Variants in ARHGEF3 observed in about 807,000 individuals in gnomAD.
ARHGEF3 encodes the protein Rho guanine nucleotide exchange factor 3, also known as 59.8 kDA protein.
ARHGEF3 carries 28 observed loss-of-function variants against 63.2 expected under a neutral mutation model. The ratio of observed to expected loss-of-function variants is 0.44; its 90% CI spans 0.33 to 0.61. The LOEUF is 0.61. Ranked by LOEUF, ARHGEF3 falls within the 20% of genes least tolerant of loss-of-function variation. ARHGEF3 has a pLI of 0.03. For synonymous variants in ARHGEF3, 266 were observed against 254.2 expected, an observed-to-expected ratio of 1.05 and a Z score of -0.44; for missense variants, 533 against 659.3, an observed-to-expected ratio of 0.81 and a Z score of 2.10.
intron 4 of ARHGEF3, among the ~76,000 whole-genome samples, chr3:56,846,475 C>T (rs949270874): frequency 6.6e-6 from 1 of 152,046 alleles, no homozygotes; most frequent in Non-Finnish European, 1.5e-5. Context: ...GATAAAAAAA[C>T]TTTTTTTAAT....
chr3:56,984,122 G>A (rs1560107487), intron 2 of ARHGEF3, among the ~76,000 whole-genome samples: 1 of 152,066 alleles, frequency 6.6e-6, no homozygotes, highest in Non-Finnish European at 1.5e-5. Flanking sequence ...TAGCCTCACA[G>A]ACACACAGCA....
chr3:56,851,855 C>A (rs554791610), intron 4 of ARHGEF3, among the ~76,000 whole-genome samples: 2 of 152,326 alleles, frequency 1.3e-5, no homozygotes, highest in African/African-American at 2.4e-5. Flanking sequence ...GTGATCCACC[C>A]ACCTCAGCCT....
intron 2 of ARHGEF3, among the ~76,000 whole-genome samples, chr3:56,990,545 C>A (rs960547512): frequency 1.3e-5 from 2 of 152,172 alleles, no homozygotes; most frequent in Admixed American, 1.3e-4. Context: ...GAGATCATGC[C>A]ACTACCTGAG....
At chr3:56,893,998 G>A (rs531014647) in intron 3 of ARHGEF3, among the ~76,000 whole-genome samples, 26 of 152,226 alleles carry the variant, frequency 1.7e-4, no homozygotes, top group East Asian at 7.7e-4. Flanking sequence ...CCGGTCACTC[G>A]TGTAGCAGAT....
rs144504573 is a variant in ARHGEF3, at chr3:56,837,283, C to T, written c.192+45009G>A. ...GGAGGGAGCAAGCAAAGAGTCCAGA[C>T]GTTTTTCTACTCTGCTACCATACTC... On this transcript the variant is annotated intron_variant, in intron 4 of 12. Coordinates refer to the ARHGEF3 transcript ENST00000338458. Among the ~76,000 whole-genome samples, 615 of 152,264 alleles carry T rather than the reference C, an allele frequency of 4.0e-3. 1 individual carries two copies. The highest frequency in any genetic ancestry group is 0.014 in the African/African-American group (575 of 41,548).
chr3:57,042,039 C>T lies in ARHGEF3; in HGVS notation c.-27-6863G>A, dbSNP rs751273149. ...ACATTAGGTCAGTTACCAAACAGTG[C>T]TCTGGTCAGTGTGGACACAGCAGCG... is the stretch of plus-strand genomic sequence containing the variant. On this transcript the variant is annotated intron_variant, in intron 1 of 12. Coordinates refer to the ARHGEF3 transcript ENST00000338458. 2.0e-5 allele frequency among the ~76,000 whole-genome samples: 3 copies of T among 152,206 alleles called. 1 individual carries two copies. The highest frequency in any genetic ancestry group is 4.4e-5 in the Non-Finnish European group (3 of 68,036).
chr3:57,059,628 C>T (rs1037718754), intron 1 of ARHGEF3, among the ~76,000 whole-genome samples: 9 of 152,130 alleles, frequency 5.9e-5, no homozygotes, highest in Non-Finnish European at 1.3e-4. Flanking sequence ...AGTTGCTTCC[C>T]TCCATAAGCA....
intron 2 of ARHGEF3, chr3:56,975,957 G>A (rs778197898): frequency 3.2e-5 from 7 of 221,540 alleles, no homozygotes; most frequent in Non-Finnish European, 5.6e-5. Flanking sequence ...TAATAGAAGG[G>A]TAATTTCAAT....
At chr3:57,042,669 TATATATATATA>T (rs1704243282) in intron 1 of ARHGEF3, among the ~76,000 whole-genome samples, 1 of 14,288 alleles carries the variant, frequency 7.0e-5, no homozygotes, top group Admixed American at 8.2e-4. Context: ...TATATATATA[TATATATATATA>T]TATATATATA....
chr3:56,746,174 A>C (rs913890345), intron 6 of ARHGEF3, among the ~76,000 whole-genome samples: 7 of 152,186 alleles, frequency 4.6e-5, no homozygotes, highest in African/African-American at 9.7e-5. Flanking sequence ...AAGTTACCAG[A>C]AGCAATCAAA....
At chr3:56,793,248 C>T (rs2037179203) in intron 1 of ARHGEF3, among the ~76,000 whole-genome samples, 1 of 151,464 alleles carries the variant, frequency 6.6e-6, no homozygotes, top group Non-Finnish European at 1.5e-5. Flanking sequence ...CGGCTCACTG[C>T]AAGCTCCGCC....
chr3:56,944,098 G>A (rs189035615), intron 3 of ARHGEF3, among the ~76,000 whole-genome samples: 113 of 152,210 alleles, frequency 7.4e-4, no homozygotes, highest in Non-Finnish European at 9.0e-4. Flanking sequence ...GCTTGAACCC[G>A]AAAGGTGGAG....
In ARHGEF3 at chr3:57,079,018, C is replaced by T. The variant is rs1352341; in HGVS notation, c.-28+208G>A. On this transcript the variant is annotated intron_variant, in intron 1 of 12. Coordinates refer to the ARHGEF3 transcript ENST00000338458. ...GCTGGGCATACCCCAGACCAGGGAG[C>T]GCTCAGGGCCCGCCGGGGACGCCGA... is the stretch of plus-strand genomic sequence containing the variant. 459 of 337,518 alleles carry T rather than the reference C, an allele frequency of 1.4e-3. 5 individuals are homozygous for T. The highest frequency in any genetic ancestry group is 9.5e-3 in the African/African-American group (442 of 46,612). 20.9% of individuals were successfully genotyped at this position (337,518 alleles called of 1,614,324 possible).
At position 57,042,686 on chromosome 3, in the gene ARHGEF3, ATATATATATATATAT is replaced by A. The variant is rs1162572206; in HGVS notation, c.-27-7525_-27-7511del. On this transcript the variant is annotated intron_variant, in intron 1 of 12. Coordinates refer to the ARHGEF3 transcript ENST00000338458. Reference sequence around the variant, plus strand: ...TATATATATATATATATATATATATATATATATATATATATTTTTTTTTTTTTTTAGACGGAGTCT... The same window carrying A: ...TATATATATATATATATATATATATATTTTTTTTTTTTTTAGACGGAGTCT... Among the ~76,000 whole-genome samples the A allele has an allele frequency of 1.3e-3, 10 of 7,660 alleles. 1 individual carries two copies. Among genetic ancestry groups the A allele is most frequent in the African/African-American group, 5.5e-3 (7 of 1,280 alleles). 5.0% of individuals were successfully genotyped at this position (7,660 alleles called of 152,430 possible). A position where few individuals can be genotyped will look rare whatever the true frequency, so the allele number is the denominator to read the frequency against.
chr3:57,009,031 A>G (rs1035379609), intron 2 of ARHGEF3, among the ~76,000 whole-genome samples: 1 of 152,192 alleles, frequency 6.6e-6, no homozygotes, highest in African/African-American at 2.4e-5. Context: ...AGCATTCTCA[A>G]CAGGAGGCAG....
intron 2 of ARHGEF3, among the ~76,000 whole-genome samples, chr3:57,003,401 C>CAAA (rs60214570): frequency 0.014 from 595 of 43,684 alleles, 77 homozygotes; most frequent in African/African-American, 0.053. Flanking sequence ...GACGCCGTCT[C>CAAA]AAAAAAAAAA....
intron 4 of ARHGEF3, among the ~76,000 whole-genome samples, chr3:56,825,689 T>C (rs958101569): frequency 6.6e-6 from 1 of 152,222 alleles, no homozygotes; most frequent in African/African-American, 2.4e-5. Flanking sequence ...ATCTACTCTA[T>C]TCAAGACTTT....
intron 2 of ARHGEF3, among the ~76,000 whole-genome samples, chr3:56,970,235 T>C (rs1700848219): frequency 6.6e-6 from 1 of 152,216 alleles, no homozygotes; most frequent in African/African-American, 2.4e-5. Flanking sequence ...ATATTTTATG[T>C]GTATTCTACT....
chr3:56,839,886 G>T (rs1303801070), intron 4 of ARHGEF3, among the ~76,000 whole-genome samples: 6 of 152,098 alleles, frequency 3.9e-5, no homozygotes, highest in African/African-American at 9.7e-5. Context: ...CAAAATCTGG[G>T]AAAGAAAGTG....
Sources: allele counts gnomAD v4.1 joint callset (sites outside exome capture counted in the v4.1 genomes callset), GRCh38; gene constraint gnomAD v4.1.1; transcripts MANE v1.5; gene names NCBI Gene and HGNC (gene_info 2026-07-23, HGNC 2026-07-21).